TUT4: variants seen among roughly 807,000 people sequenced by gnomAD.
TUT4 encodes the protein terminal uridylyl transferase 4, also known as terminal uridylyltransferase 4.
Under a neutral mutation model 192.2 loss-of-function variants are expected in TUT4, and 36 were observed. The ratio of observed to expected loss-of-function variants is 0.19; its 90% CI spans 0.14 to 0.25. The LOEUF is 0.25. Among genes scored for constraint, TUT4 ranks in the 10% least tolerant of loss-of-function variants. The probability of loss-of-function intolerance (pLI) is 1.00; values close to 1 mark genes in which losing one functional copy is unlikely to be tolerated. For missense variants in TUT4, 1,493 were observed against 1,957.2 expected (o/e 0.76, Z 4.47); for synonymous variants, 618 against 666.0 (o/e 0.93, Z 1.11).
chr1:52,452,341 G>A (rs948110979), intron 20 of TUT4, among the ~76,000 whole-genome samples: 5 of 152,110 alleles, frequency 3.3e-5, no homozygotes, highest in Admixed American at 6.6e-5. Context: ...CATACAACTC[G>A]TAACATCCTT....
intron 15 of TUT4, among the ~76,000 whole-genome samples, chr1:52,466,447 T>C (rs113486766): frequency 6.6e-6 from 1 of 151,444 alleles, no homozygotes; most frequent in African/African-American, 2.4e-5. Context: ...GTTTGAGACC[T>C]GCTTGGAAAA....
At chr1:52,475,842 A>G (rs1006249860) in intron 12 of TUT4, among the ~76,000 whole-genome samples, 4 of 152,056 alleles carry the variant, frequency 2.6e-5, no homozygotes, top group Non-Finnish European at 5.9e-5. Context: ...TTGTGGAAAA[A>G]GGAGTTTTTT....
At chr1:52,534,670 T>C (rs1684410390) in intron 1 of TUT4, among the ~76,000 whole-genome samples, 1 of 144,538 alleles carries the variant, frequency 6.9e-6, no homozygotes, top group African/African-American at 2.6e-5. Flanking sequence ...TCAGGCAACA[T>C]GGCAAAACCC....
At chr1:52,542,042 C>T (rs907944641) in intron 1 of TUT4, among the ~76,000 whole-genome samples, 4 of 152,158 alleles carry the variant, frequency 2.6e-5, no homozygotes, top group Non-Finnish European at 5.9e-5. Flanking sequence ...CTGACACATG[C>T]TATGACATGG....
chr1:52,473,769 T>G (rs369240113), intron 13 of TUT4, among the ~76,000 whole-genome samples: 2 of 152,208 alleles, frequency 1.3e-5, no homozygotes, highest in Admixed American at 6.5e-5. Flanking sequence ...TGGATACTAA[T>G]AATGATATTG....
chr1:52,456,411 CAAAAAAAAAAAA>C (rs1157223640), intron 20 of TUT4, among the ~76,000 whole-genome samples: 29 of 11,996 alleles, frequency 2.4e-3, no homozygotes, highest in Admixed American at 0.023. Flanking sequence ...GACTGTGTCT[CAAAAAAAAAAAA>C]AAAAAAAAAA....
chr1:52,538,965 C>A (rs1274846633), intron 1 of TUT4, among the ~76,000 whole-genome samples: 1 of 151,984 alleles, frequency 6.6e-6, no homozygotes, highest in Admixed American at 6.6e-5. Flanking sequence ...AAAGGAATCC[C>A]GGAATTACAG....
chr1:52,441,105 T>C (rs974327846), intron 24 of TUT4, among the ~76,000 whole-genome samples: 1 of 151,948 alleles, frequency 6.6e-6, no homozygotes, highest in Non-Finnish European at 1.5e-5. Flanking sequence ...AGAGTACATA[T>C]GTAAGAAGTA....
Position 52,534,768 on chromosome 1 carries a change from T to G in TUT4, c.-93-8395A>C, listed in dbSNP as rs149600157. On this transcript the variant is annotated intron_variant, in intron 1 of 29. Transcript: ENST00000257177. ...GTCCCAGCTACTTGGGAGGCTGAGG[T>G]GGAAGAATCACTTGAGCCCAGGAGG... Among the ~76,000 whole-genome samples, 274 of 150,944 alleles carry G rather than the reference T, an allele frequency of 1.8e-3. 9 individuals are homozygous for G. Among genetic ancestry groups the G allele is most frequent in the East Asian group, 5.3e-3 (27 of 5,140 alleles).
At chr1:52,476,487 G>C (rs1667104083) in intron 12 of TUT4, among the ~76,000 whole-genome samples, 1 of 151,774 alleles carries the variant, frequency 6.6e-6, no homozygotes, top group African/African-American at 2.4e-5. Flanking sequence ...GCACCAAAAA[G>C]ACAATACATA....
At chr1:52,459,155 G>A (rs1285111082) in intron 19 of TUT4, among the ~76,000 whole-genome samples, 2 of 151,586 alleles carry the variant, frequency 1.3e-5, no homozygotes, top group African/African-American at 2.4e-5. Context: ...GTGTGGTGGC[G>A]GGCGCCTGTA....
At chr1:52,448,304 G>A (rs551122940) in intron 20 of TUT4, among the ~76,000 whole-genome samples, 14 of 152,168 alleles carry the variant, frequency 9.2e-5, no homozygotes, top group African/African-American at 2.6e-4. Context: ...GTGAAAGACT[G>A]AGGCCGGGCG....
intron 14 of TUT4, among the ~76,000 whole-genome samples, chr1:52,469,768 T>C (rs1288641365): frequency 6.6e-6 from 1 of 151,762 alleles, no homozygotes; most frequent in Non-Finnish European, 1.5e-5. Context: ...CACGAGCCTG[T>C]AGTCCCAGCT....
intron 11 of TUT4, among the ~76,000 whole-genome samples, chr1:52,479,097 C>A (rs953348522): frequency 4.0e-5 from 6 of 151,736 alleles, no homozygotes; most frequent in African/African-American, 1.2e-4. Context: ...TGAGAAGGTA[C>A]GGTTTAAGAA....
chr1:52,494,365 G>C (rs1482983174), intron 6 of TUT4, among the ~76,000 whole-genome samples: 1 of 152,104 alleles, frequency 6.6e-6, no homozygotes, highest in Non-Finnish European at 1.5e-5. Context: ...TATGTAACAA[G>C]CTTGTCAAAT....
chr1:52,514,337 A>G (rs1247680636), intron 3 of TUT4, among the ~76,000 whole-genome samples: 1 of 152,176 alleles, frequency 6.6e-6, no homozygotes, highest in African/African-American at 2.4e-5. Context: ...GCTACTTAAG[A>G]GGCTGAGGCA....
Position 52,445,872 on chromosome 1 carries a change from A to G in TUT4, c.3740-3T>C. On this transcript the variant is annotated splice_region_variant and splice_polypyrimidine_tract_variant and intron_variant, in intron 23 of 29. Transcript: ENST00000257177. The stretch of plus-strand genomic sequence containing the variant: ...TGCTTTCATGATGAAATTGGTCACT[A>G]TTAAAGAAAGAAGAAAACAATAAAG... 2 of 1,609,730 alleles carry G rather than the reference A, an allele frequency of 1.2e-6. No individual in the cohort carries two copies. Among genetic ancestry groups the G allele is most frequent in the Non-Finnish European group, 1.7e-6 (2 of 1,178,140 alleles).
Position 52,481,870 on chromosome 1 carries a change from A to C in TUT4, c.1569T>G (p.Ala523=), listed in dbSNP as rs1199328679. 19 of 1,599,578 alleles carry C rather than the reference A, an allele frequency of 1.2e-5. No homozygotes were observed. The highest frequency in any genetic ancestry group is 1.5e-5 in the Non-Finnish European group (18 of 1,176,450). Residue 523 remains alanine (A), a synonymous_variant, in exon 10 of 30, where the codon GCT becomes GCG. Coordinates refer to ENST00000257177, the MANE Select transcript of TUT4 (RefSeq NM_001009881.3). ...GTTGTAGAAAAAACATCACCATTAA[A>C]GCAAAACAGTAAGAAGGGATTCCAC... ...TDGGIPSYCF[A]LMVMFFLQQR...
intron 9 of TUT4, among the ~76,000 whole-genome samples, chr1:52,484,897 T>A (rs113132395): frequency 1.3e-5 from 2 of 152,252 alleles, no homozygotes; most frequent in African/African-American, 4.8e-5. Context: ...TTAAATATCA[T>A]CTCTTCAGAG....
Sources: gnomAD v4.1 joint callset for allele counts (sites outside exome capture counted in the v4.1 genomes callset) on GRCh38, gnomAD v4.1.1 for gene constraint, MANE v1.5 for transcripts, NCBI Gene and HGNC (gene_info 2026-07-23, HGNC 2026-07-21) for gene names.